Variants in MBTPS1 observed in about 807,000 individuals in gnomAD.
MBTPS1 encodes the protein membrane-bound transcription factor site-1 protease.
MBTPS1 carries 94 observed loss-of-function variants against 127.8 expected under a neutral mutation model. The observed-to-expected ratio is 0.74, with a 90% CI of 0.62 to 0.87. The LOEUF (loss-of-function observed/expected upper bound fraction) is 0.87, where lower values mean the gene tolerates loss of function less well. MBTPS1 is among the 40% of genes least tolerant of loss of function. The pLI is 0.00. For missense variants in MBTPS1, 1,636 were observed against 1,353.2 expected (o/e 1.21, Z -3.28); for synonymous variants, 632 against 509.4 (o/e 1.24, Z -3.24).
chr16:84,067,902 G>C, intron 15 of MBTPS1, 79 bp from the exon 16 acceptor site: 2 of 1,390,632 alleles, frequency 1.4e-6, no homozygotes, highest in Non-Finnish European at 2.0e-6. Context: ...AGTGTCACCA[G>C]GTACATGTCT....
At chr16:84,073,948 G>GT (rs1178427122) in intron 12 of MBTPS1, among the ~76,000 whole-genome samples, 1 of 152,182 alleles carries the variant, frequency 6.6e-6, no homozygotes, top group Non-Finnish European at 1.5e-5. Context: ...GGAGGTTGCA[G>GT]TGAGCCAAGA....
intron 6 of MBTPS1, among the ~76,000 whole-genome samples, chr16:84,092,377 C>T (rs2086121919): frequency 6.6e-6 from 1 of 152,104 alleles, no homozygotes; most frequent in Non-Finnish European, 1.5e-5. Context: ...TTAGCTGTTG[C>T]TTTTTTAAAA....
intron 3 of MBTPS1, 31 bp from the exon 4 acceptor site, chr16:84,095,836 G>C (rs1398807449): frequency 3.1e-6 from 5 of 1,591,884 alleles, no homozygotes; most frequent in African/African-American, 2.7e-5. Context: ...GATCAGAACA[G>C]AAGAGCAAAA....
Position 84,054,393 on chromosome 16 carries a change from C to T in MBTPS1, c.*56G>A. The T allele has an allele frequency of 6.8e-7, 1 of 1,480,658 alleles. No homozygotes were observed. Among genetic ancestry groups the T allele is most frequent in the Non-Finnish European group, 9.1e-7 (1 of 1,102,738 alleles). The allele number at this position is 1,480,658 out of a possible 1,614,324, so 91.7% of individuals were successfully genotyped here. A position where few individuals can be genotyped will look rare whatever the true frequency, so the allele number is the denominator to read the frequency against. On this transcript the variant is annotated 3_prime_UTR_variant, in exon 23 of 23. Coordinates refer to ENST00000343411, the MANE Select transcript of MBTPS1 (RefSeq NM_003791.4). ...AGCCGCCACCACAGCTCGGCTCACC[C>T]ACCAGCGCCGTCCGTGAAGGCTCTC...
Position 84,099,245 on chromosome 16 carries a change from G to C in MBTPS1, c.229C>G (p.Leu77Val). 1.2e-6 allele frequency: 2 copies of C among 1,613,992 alleles called. No homozygotes were observed. The highest frequency in any genetic ancestry group is 1.7e-6 in the Non-Finnish European group (2 of 1,179,934). The part of the protein sequence containing the change: ...KARNSFISSA[L>V]KSSEVDNWRI... Reference sequence around the variant, plus strand: ...CAATTGTCTACTTCACTGCTCTTCAGGGCACTTGAAATAAATGAATTTCTA... The same window carrying C: ...CAATTGTCTACTTCACTGCTCTTCACGGCACTTGAAATAAATGAATTTCTA... Residue 77 changes from leucine to valine, a missense_variant, in exon 3 of 23, where the codon CTG (leucine) becomes GTG (valine). Transcript: ENST00000343411.
intron 10 of MBTPS1, among the ~76,000 whole-genome samples, chr16:84,083,992 C>G (rs1380433878): frequency 1.3e-5 from 2 of 152,298 alleles, no homozygotes; most frequent in East Asian, 3.9e-4. Flanking sequence ...CAGAGTGTTG[C>G]TCTGTCACCC....
At chr16:84,078,805 C>A (rs941857934) in intron 11 of MBTPS1, among the ~76,000 whole-genome samples, 7 of 152,172 alleles carry the variant, frequency 4.6e-5, no homozygotes, top group African/African-American at 1.7e-4. Flanking sequence ...GCGATGCTAT[C>A]CTTCTATGTA....
chr16:84,066,461 A>G, intron 17 of MBTPS1, 28 bp downstream of exon 17: 1 of 1,611,990 alleles, frequency 6.2e-7, no homozygotes, highest in Non-Finnish European at 8.5e-7. Context: ...CACACCTAAG[A>G]CCACGCCCTC....
At chr16:84,078,893 C>T (rs992870057) in intron 11 of MBTPS1, among the ~76,000 whole-genome samples, 6 of 152,290 alleles carry the variant, frequency 3.9e-5, no homozygotes, top group Admixed American at 6.5e-5. Flanking sequence ...AAGGCGTGTG[C>T]GGAAGCCTGG....
chr16:84,095,898 A>G, intron 3 of MBTPS1, 93 bp from the exon 4 acceptor site: 1 of 945,392 alleles, frequency 1.1e-6, no homozygotes, highest in Non-Finnish European at 1.6e-6. Context: ...AGGGAGGATT[A>G]CCATTTGCCA....
chr16:84,101,971 C>T lies in MBTPS1; in HGVS notation c.-188G>A, dbSNP rs2086263521. On this transcript the variant is annotated 5_prime_UTR_variant, in exon 2 of 23. It removes an upstream start codon present in the reference 5' UTR. Coordinates refer to ENST00000343411, the MANE Select transcript of MBTPS1 (RefSeq NM_003791.4). The stretch of plus-strand genomic sequence containing the variant: ...GTGGTTCAGCCTGAAGAGAGGCTTT[C>T]ATTTCTTTCTCCGCTTCTTCTCCAT... 4 of 560,208 alleles carry T rather than the reference C, an allele frequency of 7.1e-6. No individual in the cohort carries two copies. The Admixed American group carries it at 1.3e-4, about 18-fold the overall frequency. 34.7% of individuals were successfully genotyped at this position (560,208 alleles called of 1,614,324 possible).
At chr16:84,091,305 G>A (rs905394155) in intron 7 of MBTPS1, among the ~76,000 whole-genome samples, 2 of 151,986 alleles carry the variant, frequency 1.3e-5, no homozygotes, top group African/African-American at 4.8e-5. Flanking sequence ...GGCCAATTCG[G>A]TGAAACCCCG....
chr16:84,108,412 C>G (rs533210670), intron 1 of MBTPS1, among the ~76,000 whole-genome samples: 2 of 152,184 alleles, frequency 1.3e-5, no homozygotes, highest in Non-Finnish European at 2.9e-5. Context: ...TACAGGCACA[C>G]GCCACCACAC....
At chr16:84,109,223 G>C (rs2086366483) in intron 1 of MBTPS1, among the ~76,000 whole-genome samples, 1 of 152,200 alleles carries the variant, frequency 6.6e-6, no homozygotes, top group Non-Finnish European at 1.5e-5. Flanking sequence ...CTCACAGAAT[G>C]ATGGGGAAGT....
Position 84,060,770 on chromosome 16 carries a change from A to G in MBTPS1, c.2616T>C (p.Tyr872=). 1 of 1,605,956 alleles carries G rather than the reference A, an allele frequency of 6.2e-7. No individual in the cohort carries two copies. The highest frequency in any genetic ancestry group is 1.7e-4 in the Middle Eastern group (1 of 6,056). ...GACTGAGGCTAGGCGGTGTCACCCC[A>G]TACGATGTGTACTGGAGGAGGGCAT... The part of the protein sequence containing the change: ...LLDALLQYTS[Y]GVTPPSLSHS... Residue 872 remains tyrosine (Y), a synonymous_variant, in exon 20 of 23, where the codon TAT becomes TAC. Transcript: ENST00000343411.
At chr16:84,085,881 C>T (rs2086015065) in intron 9 of MBTPS1, 1 of 151,576 alleles carries the variant, frequency 6.6e-6, no homozygotes, top group Non-Finnish European at 1.5e-5. Context: ...TGTTTCTTTA[C>T]AAGGAAAAAA....
At chr16:84,111,551 A>C (rs1403769850) in intron 1 of MBTPS1, among the ~76,000 whole-genome samples, 2 of 152,112 alleles carry the variant, frequency 1.3e-5, no homozygotes, top group South Asian at 4.1e-4. Context: ...AAAAAAAAAA[A>C]AGAAAAAAGA....
intron 16 of MBTPS1, among the ~76,000 whole-genome samples, 177 bp from the exon 17 acceptor site, chr16:84,066,790 G>T (rs2151145249): frequency 6.6e-6 from 1 of 152,314 alleles, no homozygotes; most frequent in African/African-American, 2.4e-5. Context: ...AAGTGCTTCG[G>T]CTGATGTGTA....
At position 84,074,940 on chromosome 16, in the gene MBTPS1, T is replaced by C. The variant is rs2085830876; in HGVS notation, c.1449-199A>G. 4 of 452,892 alleles carry C rather than the reference T, an allele frequency of 8.8e-6. No individual in the cohort carries two copies. In the South Asian group the frequency reaches 1.0e-4, roughly 12 times the overall value. 28.1% of individuals were successfully genotyped at this position (452,892 alleles called of 1,614,324 possible). ...GGCCTCTGTGCCAGCCTGCTGTCTA[T>C]ACAGACAGTGTGATGTGCAGGGACA... is the stretch of plus-strand genomic sequence containing the variant. On this transcript the variant is annotated intron_variant, in intron 11 of 22. Coordinates refer to ENST00000343411, the MANE Select transcript of MBTPS1 (RefSeq NM_003791.4).
Sources: allele counts gnomAD v4.1 joint callset (sites outside exome capture counted in the v4.1 genomes callset), GRCh38; gene constraint gnomAD v4.1.1; transcripts MANE v1.5; gene names NCBI Gene and HGNC (gene_info 2026-07-23, HGNC 2026-07-21).